The following GRK3 variants were observed in gnomAD, a reference collection of about 807,000 sequenced individuals.
GRK3 encodes the protein adrenergic, beta, receptor kinase 2.
Under a neutral mutation model 95.7 loss-of-function variants are expected in GRK3, and 54 were observed. The observed-to-expected ratio is 0.56, with a 90% CI of 0.45 to 0.71. GRK3 has a LOEUF of 0.71. Ranked by LOEUF, GRK3 falls within the 30% of genes least tolerant of loss-of-function variation. GRK3 has a pLI of 0.00. For missense variants in GRK3, 649 were observed against 851.2 expected, an observed-to-expected ratio of 0.76 and a Z score of 2.96; for synonymous variants, 281 against 290.8, an observed-to-expected ratio of 0.97 and a Z score of 0.34.
chr22:25,593,699 ATTGG>A (rs1932574814), intron 1 of GRK3, among the ~76,000 whole-genome samples: 1 of 152,050 alleles, frequency 6.6e-6, no homozygotes, highest in Non-Finnish European at 1.5e-5. Context: ...CTTTAGATTA[ATTGG>A]GCCCTACTTG....
Position 25,695,137 on chromosome 22 carries a change from GC to G in GRK3, c.1084del (p.Leu362CysfsTer24). The G allele has an allele frequency of 6.2e-7, 1 of 1,614,062 alleles. No individual in the cohort carries two copies. The highest frequency in any genetic ancestry group is 8.5e-7 in the Non-Finnish European group (1 of 1,179,960). On this transcript the variant is annotated frameshift_variant, in exon 13 of 21. Transcript: ENST00000324198. LOFTEE classifies it high-confidence loss of function. ...CCCATGGGTACATGGCTCCCGAGGTGCTGCAGAAGGGGACGGCCTATGACAG... is the reference window on the plus strand; with the variant it reads ...CCCATGGGTACATGGCTCCCGAGGTGTGCAGAAGGGGACGGCCTATGACAG... ...GTHGYMAPEV[L>X]QKGTAYDSSA... is the part of the protein sequence containing the mutation.
At chr22:25,583,660 A>T (rs766494984) in intron 1 of GRK3, among the ~76,000 whole-genome samples, 3 of 152,158 alleles carry the variant, frequency 2.0e-5, no homozygotes, top group Non-Finnish European at 4.4e-5. Context: ...CAGGGTAAGG[A>T]TGCAGCACCT....
intron 19 of GRK3, among the ~76,000 whole-genome samples, chr22:25,720,812 T>G (rs967783352): frequency 3.3e-5 from 5 of 152,162 alleles, no homozygotes; most frequent in Non-Finnish European, 7.4e-5. Flanking sequence ...CCACCTCTAT[T>G]TATGACATCA....
At position 25,650,480 on chromosome 22, in the gene GRK3, T is replaced by C. The variant is rs755663111; in HGVS notation, c.264+5815T>C. Among the ~76,000 whole-genome samples the C allele has an allele frequency of 1.9e-4, 29 of 152,336 alleles. 1 individual carries two copies. The highest frequency in any genetic ancestry group is 3.4e-3 in the Middle Eastern group (1 of 294). On this transcript the variant is annotated intron_variant, in intron 3 of 20. Transcript: ENST00000324198. Reference sequence around the variant, plus strand: ...GTGAGATATTGCTAATATGTCCTTATGGTGATGGGTGCCACAAATAGAAAA... The same window carrying C: ...GTGAGATATTGCTAATATGTCCTTACGGTGATGGGTGCCACAAATAGAAAA...
At chr22:25,678,185 T>C (rs2085046771) in intron 8 of GRK3, among the ~76,000 whole-genome samples, 1 of 152,176 alleles carries the variant, frequency 6.6e-6, no homozygotes. Context: ...CCGGGCACGG[T>C]GGCTCATGCC....
intron 7 of GRK3, 48 bp downstream of exon 7, chr22:25,672,395 C>A: frequency 1.0e-6 from 1 of 957,622 alleles, no homozygotes; most frequent in Non-Finnish European, 1.6e-6. Flanking sequence ...AAAACTTCCT[C>A]TGGCTTAACC....
chr22:25,722,453 C>T lies in GRK3; in HGVS notation c.*3C>T. 6.2e-7 allele frequency: 1 copy of T among 1,613,792 alleles called. No homozygotes were observed. Among genetic ancestry groups the T allele is most frequent in the Non-Finnish European group, 8.5e-7 (1 of 1,179,766 alleles). ...ACAGAAACAGCAACGGCCTCTAGCA[C>T]CCAGAAACAGGGAGGGTCCTCGAGG... On this transcript the variant is annotated 3_prime_UTR_variant, in exon 21 of 21. Coordinates refer to ENST00000324198, the MANE Select transcript of GRK3 (RefSeq NM_005160.4).
intron 1 of GRK3, among the ~76,000 whole-genome samples, chr22:25,567,048 C>T (rs780009146): frequency 4.6e-5 from 7 of 151,894 alleles, no homozygotes; most frequent in Non-Finnish European, 1.0e-4. Flanking sequence ...GTGTTCACTT[C>T]CTTGTATGAA....
intron 10 of GRK3, among the ~76,000 whole-genome samples, chr22:25,686,383 G>A (rs901611349): frequency 2.6e-5 from 4 of 152,138 alleles, no homozygotes; most frequent in African/African-American, 9.7e-5. Context: ...GGGGAGAGAG[G>A]CCTTAAAAGT....
rs539172113 is a variant in GRK3 at position 25,688,851 on chromosome 22, G to A, written c.957+1184G>A. Among the ~76,000 whole-genome samples the A allele has an allele frequency of 1.2e-4, 19 of 152,306 alleles. No homozygotes were observed. The Middle Eastern group carries it at 0.02, about 164-fold the overall frequency. On this transcript the variant is annotated intron_variant, in intron 11 of 20. Coordinates refer to ENST00000324198, the MANE Select transcript of GRK3 (RefSeq NM_005160.4). ...AATGATTGCGCAAACATAGAAATGC[G>A]TAAATTGTAATAAGAAAAATGATGG...
In GRK3 at chr22:25,613,909, C is replaced by CTTT. The variant is rs879804686; in HGVS notation, c.190+9467_190+9469dup. On this transcript the variant is annotated intron_variant, in intron 2 of 20. Transcript: ENST00000324198. ...TTCTATGGGAAAATTTGGTTGTCTT[C>CTTT]TTTTTTTTTTTTTAAACCCAGCTTA... Among the ~76,000 whole-genome samples, 218 of 142,078 alleles carry CTTT rather than the reference C, an allele frequency of 1.5e-3. 1 individual carries two copies. Among genetic ancestry groups the CTTT allele is most frequent in the African/African-American group, 5.4e-3 (212 of 38,904 alleles). The allele number at this position is 142,078 out of a possible 152,430, so 93.2% of individuals were successfully genotyped here.
At chr22:25,587,901 A>T (rs5760981) in intron 1 of GRK3, among the ~76,000 whole-genome samples, 1 of 145,890 alleles carries the variant, frequency 6.9e-6, no homozygotes, top group Non-Finnish European at 1.5e-5. Context: ...ACATGGAACT[A>T]TAAGTCCAAT....
At chr22:25,568,237 C>T (rs1438416447) in intron 1 of GRK3, among the ~76,000 whole-genome samples, 4 of 152,058 alleles carry the variant, frequency 2.6e-5, no homozygotes, top group South Asian at 2.1e-4. Flanking sequence ...AGCAAAGGCC[C>T]ACAAAGGGTC....
intron 5 of GRK3, among the ~76,000 whole-genome samples, chr22:25,664,870 C>G (rs903351821): frequency 1.3e-5 from 2 of 152,260 alleles, no homozygotes; most frequent in Non-Finnish European, 2.9e-5. Flanking sequence ...GATTATTCAG[C>G]AGAGCAAATA....
chr22:25,655,084 A>C (rs1442677098), intron 3 of GRK3, among the ~76,000 whole-genome samples: 1 of 151,936 alleles, frequency 6.6e-6, no homozygotes, highest in African/African-American at 2.4e-5. Flanking sequence ...ATTTTTCTTT[A>C]ATTTCTGCTT....
chr22:25,633,914 A>G (rs965579574), intron 2 of GRK3, among the ~76,000 whole-genome samples: 4 of 152,148 alleles, frequency 2.6e-5, no homozygotes, highest in Non-Finnish European at 4.4e-5. Flanking sequence ...AGTGTTCACT[A>G]TCTGCTCTTT....
chr22:25,599,737 G>A (rs981358058), intron 1 of GRK3, among the ~76,000 whole-genome samples: 19 of 152,038 alleles, frequency 1.2e-4, no homozygotes, highest in African/African-American at 4.1e-4. Context: ...CACTACAGAA[G>A]ATACATGAAT....
chr22:25,576,588 T>C (rs1931907770), intron 1 of GRK3, among the ~76,000 whole-genome samples: 1 of 152,364 alleles, frequency 6.6e-6, no homozygotes, highest in Middle Eastern at 3.4e-3. Context: ...CATCATCTTA[T>C]TTTAGAAGAA....
intron 17 of GRK3, 75 bp downstream of exon 17, chr22:25,711,238 GT>G: frequency 9.9e-7 from 1 of 1,011,402 alleles, no homozygotes; most frequent in Admixed American, 2.4e-5. Flanking sequence ...AAACTTAGTG[GT>G]TGTTTTAATA....
Sources: allele counts gnomAD v4.1 joint callset (sites outside exome capture counted in the v4.1 genomes callset), GRCh38; gene constraint gnomAD v4.1.1; transcripts MANE v1.5; gene names NCBI Gene and HGNC (gene_info 2026-07-23, HGNC 2026-07-21).